The following RYR3 variants were observed in gnomAD, a reference collection of about 807,000 sequenced individuals.
RYR3 encodes the protein brain ryanodine receptor-calcium release channel.
Under a neutral mutation model 584.3 loss-of-function variants are expected in RYR3, and 207 were observed. The ratio of observed to expected loss-of-function variants is 0.35; its 90% CI spans 0.32 to 0.40. RYR3 has a LOEUF of 0.40. Ranked by LOEUF, RYR3 falls within the 10% of genes least tolerant of loss-of-function variation. The pLI, the probability that RYR3 is intolerant of heterozygous loss-of-function variation, is 1.00. For missense variants in RYR3, 5,616 were observed against 6,089.2 expected, an observed-to-expected ratio of 0.92 and a Z score of 2.59; for synonymous variants, 2,416 against 2,248.5, an observed-to-expected ratio of 1.07 and a Z score of -2.11.
chr15:33,474,314 T>C (rs2049183396), intron 2 of RYR3, among the ~76,000 whole-genome samples: 1 of 152,076 alleles, frequency 6.6e-6, no homozygotes, highest in African/African-American at 2.4e-5. Context: ...AGTATATAAG[T>C]GTATAGAGAT....
In RYR3 at chr15:33,479,058, A is replaced by C. The variant is rs146891449; in HGVS notation, c.171+5520A>C. Among the ~76,000 whole-genome samples the C allele has an allele frequency of 4.7e-3, 704 of 151,286 alleles. 5 individuals are homozygous for C. The highest frequency in any genetic ancestry group is 0.016 in the African/African-American group (670 of 40,984). ...CTGAAAAATACAGTTTTCAAATCCA[A>C]TGGAAATTTTCATTTTATTGTTTTC... On this transcript the variant is annotated intron_variant, in intron 2 of 103. Coordinates refer to ENST00000634891, the MANE Select transcript of RYR3 (RefSeq NM_001036.6).
At chr15:33,677,692 G>A (rs2064280128) in intron 38 of RYR3, among the ~76,000 whole-genome samples, 1 of 152,200 alleles carries the variant, frequency 6.6e-6, no homozygotes, top group African/African-American at 2.4e-5. Context: ...TAGGGAAGCA[G>A]TTCTGGGAGT....
chr15:33,452,055 A>G (rs965789795), intron 1 of RYR3, among the ~76,000 whole-genome samples: 1 of 152,224 alleles, frequency 6.6e-6, no homozygotes, highest in Non-Finnish European at 1.5e-5. Context: ...ACAACCAAAC[A>G]GACGTGATAG....
chr15:33,699,394 C>G lies in RYR3; in HGVS notation c.6250-310C>G, dbSNP rs1314851057. Among the ~76,000 whole-genome samples the G allele has an allele frequency of 2.6e-5, 4 of 151,782 alleles. No homozygotes were observed. In the East Asian group the frequency reaches 7.8e-4, roughly 29 times the overall value. ...CTCACTCTCTCTCCTCTCTCTCTCT[C>G]TCATCTCTCTCTGTCTCTGAATTCT... On this transcript the variant is annotated intron_variant, in intron 40 of 103. Coordinates refer to ENST00000634891, the MANE Select transcript of RYR3 (RefSeq NM_001036.6).
At chr15:33,860,515 C>T in intron 100 of RYR3, 80 bp from the exon 101 acceptor site, 1 of 783,862 alleles carries the variant, frequency 1.3e-6, no homozygotes. Context: ...TTTAACAGAA[C>T]AAAGTAGCTT....
At chr15:33,855,725 G>A (rs1222395898) in intron 98 of RYR3, among the ~76,000 whole-genome samples, 1 of 152,096 alleles carries the variant, frequency 6.6e-6, no homozygotes, top group Non-Finnish European at 1.5e-5. Context: ...CACATTTTAT[G>A]TGTGTATATA....
At position 33,530,656 on chromosome 15, in the gene RYR3, T is replaced by G. The variant is rs745986913; in HGVS notation, c.344T>G (p.Phe115Cys). The G allele has an allele frequency of 1.2e-6, 2 of 1,613,194 alleles. No individual in the cohort carries two copies. Among genetic ancestry groups the G allele is most frequent in the Admixed American group, 3.3e-5 (2 of 60,018 alleles). ...CATGCAGTTCTCCTGAGGCACTCTT[T>G]CAGCGGAATGGTAAGCAGCTCTGGT... ...YGHAVLLRHS[F>C]SGMYLTCLTT... The change falls in exon 4 of 104, where the codon TTC (phenylalanine) becomes TGC (cysteine). Residue 115 changes from phenylalanine to cysteine, a missense_variant. Phe to Cys is a radical substitution (Grantham distance 205). This residue lies in a region of RYR3 where 1,284 missense variants were observed against 1,344.6 expected (regional missense o/e 0.95). Transcript: ENST00000634891.
rs2291735 is a variant in RYR3, at chr15:33,648,943, G to A, written c.3979-129G>A. On this transcript the variant is annotated intron_variant, in intron 30 of 103. Transcript: ENST00000634891. Reference sequence around the variant, plus strand: ...TCTAGCATCTAGCCTACCTCTACTAGTGTGCACTTTTCCAGAAAAAAAAGG... The same window carrying A: ...TCTAGCATCTAGCCTACCTCTACTAATGTGCACTTTTCCAGAAAAAAAAGG... The A allele has an allele frequency of 9.2e-4, 709 of 768,412 alleles. 4 individuals are homozygous for A. In the East Asian group the frequency reaches 0.017, roughly 19 times the overall value. The allele number at this position is 768,412 out of a possible 1,614,324, so 47.6% of individuals were successfully genotyped here. A position where few individuals can be genotyped will look rare whatever the true frequency, so the allele number is the denominator to read the frequency against.
At chr15:33,761,911 C>G (rs934897358) in intron 60 of RYR3, among the ~76,000 whole-genome samples, 1 of 152,120 alleles carries the variant, frequency 6.6e-6, no homozygotes, top group African/African-American at 2.4e-5. Context: ...TTATCCAACA[C>G]AATCAAGTCG....
chr15:33,332,473 T>G (rs539454959), intron 1 of RYR3, among the ~76,000 whole-genome samples: 1 of 150,966 alleles, frequency 6.6e-6, no homozygotes, highest in African/African-American at 2.4e-5. Context: ...AGACACTGCA[T>G]TCAGCAGTTA....
intron 16 of RYR3, among the ~76,000 whole-genome samples, chr15:33,601,016 CAGTG>C (rs1402421625): frequency 6.6e-6 from 1 of 152,158 alleles, no homozygotes; most frequent in Admixed American, 6.5e-5. Flanking sequence ...AGAGCTCAGA[CAGTG>C]AGCAGGGCCT....
intron 1 of RYR3, among the ~76,000 whole-genome samples, chr15:33,425,745 C>A (rs2141661093): frequency 6.7e-6 from 1 of 148,568 alleles, no homozygotes; most frequent in South Asian, 2.1e-4. Flanking sequence ...GGGTTCATGC[C>A]ATTCTCCTGC....
chr15:33,393,000 T>C (rs112651670), intron 1 of RYR3, among the ~76,000 whole-genome samples: 4,119 of 152,342 alleles, frequency 0.027, 171 homozygotes, highest in African/African-American at 0.093. Context: ...AGAAAGCTCA[T>C]GTTGGCTGTA....
chr15:33,666,745 A>T (rs558317739), intron 36 of RYR3, among the ~76,000 whole-genome samples: 6 of 152,350 alleles, frequency 3.9e-5, no homozygotes, highest in African/African-American at 1.4e-4. Flanking sequence ...AACTGAGATT[A>T]GTCCAAGGGT....
intron 48 of RYR3, among the ~76,000 whole-genome samples, chr15:33,735,467 A>C (rs2069367764): frequency 6.6e-6 from 1 of 152,202 alleles, no homozygotes; most frequent in Non-Finnish European, 1.5e-5. Context: ...TTAGCTCCTT[A>C]GGCAATAGTG....
intron 4 of RYR3, among the ~76,000 whole-genome samples, chr15:33,532,767 A>G (rs1180257707): frequency 2.0e-5 from 3 of 152,152 alleles, no homozygotes; most frequent in Non-Finnish European, 1.5e-5. Flanking sequence ...AGTTCTATAC[A>G]TTTAACTACT....
chr15:33,590,447 G>A (rs994121054), intron 16 of RYR3, among the ~76,000 whole-genome samples: 2 of 152,080 alleles, frequency 1.3e-5, no homozygotes, highest in Non-Finnish European at 1.5e-5. Flanking sequence ...GAATGACACT[G>A]GTATTTTGAT....
At chr15:33,739,331 A>G (rs1232955333) in intron 50 of RYR3, among the ~76,000 whole-genome samples, 2 of 152,162 alleles carry the variant, frequency 1.3e-5, no homozygotes, top group Non-Finnish European at 2.9e-5. Context: ...ACCCCATGCC[A>G]TTTGACTGAA....
chr15:33,442,664 A>T (rs1832276169), intron 1 of RYR3, among the ~76,000 whole-genome samples: 1 of 152,242 alleles, frequency 6.6e-6, no homozygotes, highest in Non-Finnish European at 1.5e-5. Flanking sequence ...CATGTTGTTT[A>T]TATGCCTTCC....
Sources: gnomAD v4.1 joint callset for allele counts (sites outside exome capture counted in the v4.1 genomes callset) on GRCh38, gnomAD v4.1.1 for gene constraint, gnomAD v4.1.1 regional missense constraint, MANE v1.5 for transcripts, NCBI Gene and HGNC (gene_info 2026-07-23, HGNC 2026-07-21) for gene names.